FLNB: variants seen among roughly 807,000 people sequenced by gnomAD.
FLNB encodes the protein filamin-B.
A neutral mutation model predicts 250.6 loss-of-function variants in FLNB; 111 were observed. The ratio of observed to expected loss-of-function variants is 0.44; its 90% CI spans 0.38 to 0.52. FLNB has a LOEUF of 0.52. Ranked by LOEUF, FLNB falls within the 20% of genes least tolerant of loss-of-function variation. The pLI, the probability that FLNB is intolerant of heterozygous loss-of-function variation, is 0.00. For synonymous variants in FLNB, 1,302 were observed against 1,372.1 expected (o/e 0.95, Z 1.13); for missense variants, 2,869 against 3,447.8 (o/e 0.83, Z 4.20).
intron 1 of FLNB, among the ~76,000 whole-genome samples, chr3:58,050,126 T>A (rs1015185748): frequency 2.0e-5 from 3 of 150,064 alleles, no homozygotes; most frequent in Non-Finnish European, 4.4e-5. Context: ...GCCTCCCGGG[T>A]TCTAACAATT....
At chr3:58,126,881 G>A in intron 24 of FLNB, 119 bp downstream of exon 24, 1 of 952,100 alleles carries the variant, frequency 1.1e-6, no homozygotes. Flanking sequence ...GCTGCAAAAG[G>A]AGAGTTTTTC....
intron 26 of FLNB, 89 bp from the exon 27 acceptor site, chr3:58,134,527 A>C (rs1457147194): frequency 6.8e-7 from 1 of 1,475,906 alleles, no homozygotes; most frequent in Admixed American, 1.7e-5. Flanking sequence ...CCCCTTTTCC[A>C]TCCCACTCTT....
intron 33 of FLNB, 49 bp downstream of exon 33, chr3:58,146,098 G>T (rs747322213): frequency 4.4e-6 from 7 of 1,608,506 alleles, no homozygotes; most frequent in South Asian, 1.1e-5. Flanking sequence ...CCATTTGGAG[G>T]GTGAAGTGGA....
intron 11 of FLNB, 37 bp downstream of exon 11, chr3:58,105,253 C>T: frequency 6.2e-7 from 1 of 1,613,680 alleles, no homozygotes; most frequent in Non-Finnish European, 8.5e-7. Flanking sequence ...TTCTGGAGGA[C>T]TGAGGATTAC....
chr3:58,170,224 C>CA (rs2097379775), intron 45 of FLNB, among the ~76,000 whole-genome samples: 1 of 152,184 alleles, frequency 6.6e-6, no homozygotes, highest in African/African-American at 2.4e-5. Flanking sequence ...TCATAGCCAA[C>CA]ACTTAGAATA....
At chr3:58,126,854 A>G (rs2097298830) in intron 24 of FLNB, 92 bp downstream of exon 24, 1 of 1,162,444 alleles carries the variant, frequency 8.6e-7, no homozygotes. Flanking sequence ...GGGGAAAACA[A>G]TCTGATATTT....
chr3:58,054,079 G>A (rs990459454), intron 1 of FLNB, among the ~76,000 whole-genome samples: 60 of 152,216 alleles, frequency 3.9e-4, no homozygotes, highest in African/African-American at 1.4e-3. Flanking sequence ...GTAGTGGGAA[G>A]TGCAGGAGTG....
intron 25 of FLNB, among the ~76,000 whole-genome samples, chr3:58,131,448 G>T (rs1432885594): frequency 6.6e-6 from 1 of 152,188 alleles, no homozygotes; most frequent in Non-Finnish European, 1.5e-5. Flanking sequence ...CTTGGGTTTG[G>T]TAAGGCTAGC....
intron 24 of FLNB, 100 bp from the exon 25 acceptor site, chr3:58,130,641 A>G: frequency 2.4e-6 from 3 of 1,248,724 alleles, no homozygotes; most frequent in Admixed American, 2.0e-5. Context: ...CGAGGCCTGC[A>G]TGGCCGAGGT....
At chr3:58,098,108 C>T in intron 7 of FLNB, 131 bp downstream of exon 7, 1 of 1,003,096 alleles carries the variant, frequency 1.0e-6, no homozygotes, top group South Asian at 1.4e-5. Context: ...ACAATTTTTT[C>T]AAATGTGTTA....
intron 38 of FLNB, among the ~76,000 whole-genome samples, chr3:58,151,635 A>G (rs1053794613): frequency 6.6e-6 from 1 of 152,174 alleles, no homozygotes; most frequent in Admixed American, 6.5e-5. Flanking sequence ...AGACATCCAC[A>G]TCATCTCTTT....
chr3:58,146,846 C>T lies in FLNB; in HGVS notation c.5581C>T (p.Pro1861Ser), dbSNP rs764816305. The T allele has an allele frequency of 6.2e-7, 1 of 1,614,114 alleles. No individual in the cohort carries two copies. The highest frequency in any genetic ancestry group is 8.5e-7 in the Non-Finnish European group (1 of 1,180,022). ...TGGTCTGGACTTGGCTATTGAGGGC[C>T]CCTCAAAAGCAGAAATCAGCTGCAT... ...EGGLDLAIEGPSKAEISCIDN... is the reference protein window; with the variant it reads ...EGGLDLAIEGSSKAEISCIDN... Residue 1861 changes from proline to serine, a missense_variant, in exon 34 of 46, where the codon CCC becomes TCC. Physicochemically the swap from Pro to Ser is moderately conservative, Grantham distance 74. Transcript: ENST00000295956.
In FLNB at chr3:58,150,162, G is replaced by T. The variant is rs758173602; in HGVS notation, c.6302G>T (p.Arg2101Leu). The T allele has an allele frequency of 1.9e-6, 3 of 1,614,080 alleles. No individual in the cohort carries two copies. The highest frequency in any genetic ancestry group is 2.5e-6 in the Non-Finnish European group (3 of 1,180,046). The stretch of plus-strand genomic sequence containing the variant: ...GGAAGAGTCAAAGAGAGCATCACCC[G>T]CACCAGTCGGGCCCCGTCCGTGGCC... ...GEGRVKESIT[R>L]TSRAPSVATV... The change falls in exon 38 of 46, where the codon CGC becomes CTC. Residue 2101 changes from arginine (R) to leucine (L), a missense_variant. Transcript: ENST00000295956.
chr3:58,011,055 C>T (rs2097097934), intron 1 of FLNB, among the ~76,000 whole-genome samples: 1 of 152,144 alleles, frequency 6.6e-6, no homozygotes, highest in South Asian at 2.1e-4. Context: ...GCTAGAATTA[C>T]AGGCACATGC....
chr3:58,104,969 G>C, intron 10 of FLNB, 111 bp from the exon 11 acceptor site: 3 of 1,448,366 alleles, frequency 2.1e-6, no homozygotes, highest in Non-Finnish European at 2.9e-6. Context: ...TGGGATGCCA[G>C]ATGAAAGGAT....
chr3:58,026,346 C>T (rs907097697), intron 1 of FLNB, among the ~76,000 whole-genome samples: 4 of 152,114 alleles, frequency 2.6e-5, no homozygotes, highest in African/African-American at 7.2e-5. Context: ...ACTTTCCCTC[C>T]TAGCTCTTTG....
chr3:58,152,683 C>T (rs775052430), intron 38 of FLNB: 1 of 1,214,978 alleles, frequency 8.2e-7, no homozygotes, highest in South Asian at 1.3e-5. Flanking sequence ...CTCTTTTCAA[C>T]CTCCCTTCCC....
chr3:58,046,196 C>T (rs2097153857), intron 1 of FLNB, among the ~76,000 whole-genome samples: 1 of 151,928 alleles, frequency 6.6e-6, no homozygotes, highest in Non-Finnish European at 1.5e-5. Flanking sequence ...ACCTGGGCCT[C>T]CTTGGTTCCA....
intron 24 of FLNB, among the ~76,000 whole-genome samples, 172 bp downstream of exon 24, chr3:58,126,934 C>T (rs1028470661): frequency 9.2e-5 from 14 of 152,126 alleles, no homozygotes; most frequent in African/African-American, 2.7e-4. Context: ...CCAGTAGAAC[C>T]GGTAACATGG....
Sources: allele counts gnomAD v4.1 joint callset (sites outside exome capture counted in the v4.1 genomes callset), GRCh38; gene constraint gnomAD v4.1.1; transcripts MANE v1.5; gene names NCBI Gene and HGNC (gene_info 2026-07-23, HGNC 2026-07-21).